Variants in PPP2R5E observed in about 807,000 individuals in gnomAD.
PPP2R5E encodes the protein serine/threonine-protein phosphatase 2A 56 kDa regulatory subunit epsilon isoform.
Under a neutral mutation model 65.3 loss-of-function variants are expected in PPP2R5E, and 4 were observed. That is an observed-to-expected ratio of 0.06 (90% confidence interval 0.03 to 0.14). PPP2R5E has a LOEUF of 0.14. Among genes scored for constraint, PPP2R5E ranks in the 10% least tolerant of loss-of-function variants. PPP2R5E has a pLI of 1.00. For synonymous variants in PPP2R5E, 183 were observed against 187.4 expected, an observed-to-expected ratio of 0.98 and a Z score of 0.19; for missense variants, 274 against 556.1, an observed-to-expected ratio of 0.49 and a Z score of 5.10.
At chr14:63,538,007 C>T (rs985825254) in intron 2 of PPP2R5E, among the ~76,000 whole-genome samples, 1 of 152,186 alleles carries the variant, frequency 6.6e-6, no homozygotes, top group Non-Finnish European at 1.5e-5. Context: ...AAAAATTCTT[C>T]ATATTAAAAA....
At chr14:63,507,463 C>T (rs1478508823) in intron 2 of PPP2R5E, among the ~76,000 whole-genome samples, 1 of 151,122 alleles carries the variant, frequency 6.6e-6, no homozygotes, top group Non-Finnish European at 1.5e-5. Context: ...ACTAAAAATA[C>T]CAGCGTTTAG....
At chr14:63,449,615 A>G (rs1013101783) in intron 3 of PPP2R5E, among the ~76,000 whole-genome samples, 6 of 152,108 alleles carry the variant, frequency 3.9e-5, no homozygotes, top group Non-Finnish European at 1.5e-5. Flanking sequence ...TATGGACTGT[A>G]TATGTATGTA....
chr14:63,459,948 C>T (rs6573520), intron 2 of PPP2R5E, among the ~76,000 whole-genome samples: 1 of 151,976 alleles, frequency 6.6e-6, no homozygotes, highest in African/African-American at 2.4e-5. Flanking sequence ...AGGTGAATGT[C>T]GAGTTGGCTG....
At chr14:63,539,379 A>G (rs757289757) in intron 2 of PPP2R5E, 150 bp downstream of exon 2, 7 of 721,128 alleles carry the variant, frequency 9.7e-6, no homozygotes, top group South Asian at 2.6e-5. Flanking sequence ...GAGAGTGGGT[A>G]TATTTGGTCA....
At position 63,432,709 on chromosome 14, in the gene PPP2R5E, A is replaced by G. The variant is rs112533712; in HGVS notation, c.355-10615T>C. Among the ~76,000 whole-genome samples, 274 of 152,294 alleles carry G rather than the reference A, an allele frequency of 1.8e-3. 5 individuals are homozygous for G. The highest frequency in any genetic ancestry group is 6.3e-3 in the African/African-American group (262 of 41,574). ...AAGAAAGAAAGAAAGATTCAAGGGAAAAAGAAAGACATTTGAGCTGGCCCC... is the reference window on the plus strand; with the variant it reads ...AAGAAAGAAAGAAAGATTCAAGGGAGAAAGAAAGACATTTGAGCTGGCCCC... On this transcript the variant is annotated intron_variant, in intron 3 of 13. Coordinates refer to ENST00000337537, the MANE Select transcript of PPP2R5E (RefSeq NM_006246.5).
At chr14:63,384,986 T>C (rs1884580386) in intron 11 of PPP2R5E, among the ~76,000 whole-genome samples, 1 of 151,372 alleles carries the variant, frequency 6.6e-6, no homozygotes, top group Admixed American at 6.6e-5. Flanking sequence ...TGAACCACCG[T>C]GCCTGGCCCA....
chr14:63,472,651 C>G (rs1890188614), intron 2 of PPP2R5E, among the ~76,000 whole-genome samples: 1 of 152,060 alleles, frequency 6.6e-6, no homozygotes, highest in African/African-American at 2.4e-5. Context: ...ATGAATAGAA[C>G]AAGGAATAAA....
At chr14:63,442,211 C>T (rs1888272422) in intron 3 of PPP2R5E, among the ~76,000 whole-genome samples, 1 of 152,048 alleles carries the variant, frequency 6.6e-6, no homozygotes. Flanking sequence ...AAATTTTTTC[C>T]TTTGTACCAA....
At position 63,474,066 on chromosome 14, in the gene PPP2R5E, A is replaced by G. The variant is rs8004533; in HGVS notation, c.158-20181T>C. Among the ~76,000 whole-genome samples, 1,110 of 152,362 alleles carry G rather than the reference A, an allele frequency of 7.3e-3. 3 individuals carry two copies. The highest frequency in any genetic ancestry group is 0.013 in the Admixed American group (193 of 15,304). ...GTTGAATGAATGGAAAAGAGGCAAG[A>G]TAAGAAACAGGGACACCAGTTAGGA... On this transcript the variant is annotated intron_variant, in intron 2 of 13. Transcript: ENST00000337537.
At position 63,420,410 on chromosome 14, in the gene PPP2R5E, C is replaced by T. The variant is rs1365670088; in HGVS notation, c.456+1583G>A. ...CCTATGAAAAGCACAAATAGTTTTA[C>T]AAGTTTCTTAGATTGCAGACAATAT... On this transcript the variant is annotated intron_variant, in intron 4 of 13. Coordinates refer to ENST00000337537, the MANE Select transcript of PPP2R5E (RefSeq NM_006246.5). 2.6e-5 allele frequency among the ~76,000 whole-genome samples: 4 copies of T among 151,982 alleles called. No individual in the cohort carries two copies. In the East Asian group the frequency reaches 7.7e-4, roughly 29 times the overall value.
chr14:63,515,440 CTG>C (rs762636149), intron 2 of PPP2R5E, among the ~76,000 whole-genome samples: 2 of 152,222 alleles, frequency 1.3e-5, no homozygotes, highest in Non-Finnish European at 1.5e-5. Context: ...GAATTCTGCA[CTG>C]TCAGTGATTT....
chr14:63,450,834 G>A (rs531248655), intron 3 of PPP2R5E, among the ~76,000 whole-genome samples: 1 of 151,006 alleles, frequency 6.6e-6, no homozygotes, highest in South Asian at 2.1e-4. Flanking sequence ...CCAAGAAGCA[G>A]AGGAACTGAA....
chr14:63,454,395 A>G (rs2139481375), intron 2 of PPP2R5E, among the ~76,000 whole-genome samples: 1 of 152,308 alleles, frequency 6.6e-6, no homozygotes, highest in Non-Finnish European at 1.5e-5. Context: ...GATCTGTATG[A>G]AGTTTCTTTC....
At chr14:63,404,994 C>A (rs542865217) in intron 5 of PPP2R5E, among the ~76,000 whole-genome samples, 1 of 152,210 alleles carries the variant, frequency 6.6e-6, no homozygotes, top group African/African-American at 2.4e-5. Flanking sequence ...AGTTTCAAGA[C>A]AGCAAGAGCA....
intron 2 of PPP2R5E, among the ~76,000 whole-genome samples, chr14:63,522,241 C>A (rs1892946553): frequency 6.6e-6 from 1 of 152,176 alleles, no homozygotes; most frequent in South Asian, 2.1e-4. Flanking sequence ...CTGGTTCACT[C>A]AGTGCTCAAT....
intron 2 of PPP2R5E, 141 bp downstream of exon 2, chr14:63,539,388 C>T: frequency 2.3e-6 from 2 of 852,202 alleles, no homozygotes; most frequent in South Asian, 2.3e-5. Context: ...TATATTTGGT[C>T]ACACATTAGT....
intron 5 of PPP2R5E, among the ~76,000 whole-genome samples, chr14:63,414,108 T>A (rs1366808048): frequency 2.0e-5 from 3 of 152,146 alleles, no homozygotes; most frequent in African/African-American, 7.2e-5. Context: ...GATTGAACCC[T>A]ATGAAACTGC....
chr14:63,434,732 T>A (rs1227977233), intron 3 of PPP2R5E, among the ~76,000 whole-genome samples: 1 of 152,208 alleles, frequency 6.6e-6, no homozygotes, highest in East Asian at 1.9e-4. Context: ...AGAATTCTCC[T>A]CCCACCTCCC....
intron 13 of PPP2R5E, among the ~76,000 whole-genome samples, chr14:63,380,054 G>C (rs570352777): frequency 6.6e-6 from 1 of 150,472 alleles, no homozygotes. Flanking sequence ...GGATGGTCTC[G>C]AACTCCTGAC....
Sources: gnomAD v4.1 joint callset for allele counts (sites outside exome capture counted in the v4.1 genomes callset) on GRCh38, gnomAD v4.1.1 for gene constraint, MANE v1.5 for transcripts, NCBI Gene and HGNC (gene_info 2026-07-23, HGNC 2026-07-21) for gene names.